The following DIAPH3 variants were observed in gnomAD, a reference collection of about 807,000 sequenced individuals.
DIAPH3 encodes the protein diaphanous related formin 3.
A neutral mutation model predicts 144.3 loss-of-function variants in DIAPH3; 117 were observed. The ratio of observed to expected loss-of-function variants is 0.81; its 90% CI spans 0.70 to 0.95. DIAPH3 has a LOEUF of 0.95. DIAPH3 is among the 40% of genes least tolerant of loss of function. The pLI is 0.00. For synonymous variants in DIAPH3, 519 were observed against 488.9 expected (o/e 1.06, Z -0.81); for missense variants, 1,421 against 1,412.7 (o/e 1.01, Z -0.09).
chr13:59,707,438 C>A (rs924626468), intron 27 of DIAPH3, among the ~76,000 whole-genome samples: 2 of 151,904 alleles, frequency 1.3e-5, no homozygotes. Flanking sequence ...ACAGTTACAA[C>A]GTATCAAGAA....
At chr13:60,058,290 A>T (rs1408710021) in intron 4 of DIAPH3, among the ~76,000 whole-genome samples, 1 of 151,866 alleles carries the variant, frequency 6.6e-6, no homozygotes, top group Non-Finnish European at 1.5e-5. Flanking sequence ...AAAAATGAAA[A>T]ATTGCTCATC....
intron 9 of DIAPH3, among the ~76,000 whole-genome samples, chr13:60,008,146 C>A (rs1265935665): frequency 6.6e-6 from 1 of 152,142 alleles, no homozygotes; most frequent in Non-Finnish European, 1.5e-5. Context: ...GTAATCCCAG[C>A]ACTTTGGGAG....
At chr13:59,905,516 A>C (rs951540786) in intron 20 of DIAPH3, among the ~76,000 whole-genome samples, 1 of 152,140 alleles carries the variant, frequency 6.6e-6, no homozygotes, top group African/African-American at 2.4e-5. Flanking sequence ...TCCTCAGAAC[A>C]ATACAATGTA....
At chr13:59,818,253 T>C (rs1441452721) in intron 24 of DIAPH3, among the ~76,000 whole-genome samples, 2 of 151,964 alleles carry the variant, frequency 1.3e-5, no homozygotes, top group Non-Finnish European at 2.9e-5. Context: ...AAAAATCTTT[T>C]AACATAAGGA....
At chr13:60,040,143 C>T (rs1404377189) in intron 5 of DIAPH3, among the ~76,000 whole-genome samples, 1 of 134,068 alleles carries the variant, frequency 7.5e-6, no homozygotes, top group African/African-American at 2.8e-5. Flanking sequence ...AGGAGAATCG[C>T]TTGAACTCGG....
At chr13:59,685,547 T>G (rs2033171386) in intron 27 of DIAPH3, among the ~76,000 whole-genome samples, 2 of 152,146 alleles carry the variant, frequency 1.3e-5, no homozygotes, top group Non-Finnish European at 2.9e-5. Flanking sequence ...ACAAAAACAC[T>G]GAGCCCAGAA....
chr13:59,993,704 A>AAAAAAAAAC (rs2051990981), intron 9 of DIAPH3, among the ~76,000 whole-genome samples: 1 of 145,364 alleles, frequency 6.9e-6, no homozygotes. Flanking sequence ...AACATACTTA[A>AAAAAAAAAC]AAAAAAAAAA....
chr13:59,963,115 T>A (rs1252752752), intron 17 of DIAPH3, among the ~76,000 whole-genome samples: 1 of 152,216 alleles, frequency 6.6e-6, no homozygotes, highest in Admixed American at 6.5e-5. Flanking sequence ...TCTTTTAAGA[T>A]ACAGAGATGC....
intron 21 of DIAPH3, among the ~76,000 whole-genome samples, chr13:59,864,619 C>T (rs1170122348): frequency 2.0e-5 from 3 of 151,962 alleles, no homozygotes; most frequent in Non-Finnish European, 2.9e-5. Context: ...TGCTCTTGGT[C>T]TTTATTTGTA....
intron 24 of DIAPH3, among the ~76,000 whole-genome samples, chr13:59,814,506 T>C (rs1421954412): frequency 1.3e-5 from 2 of 152,276 alleles, no homozygotes; most frequent in East Asian, 3.9e-4. Flanking sequence ...AACAGTAATT[T>C]GAGATTTTCT....
intron 21 of DIAPH3, among the ~76,000 whole-genome samples, chr13:59,873,548 T>C (rs2044408214): frequency 6.6e-6 from 1 of 152,174 alleles, no homozygotes; most frequent in Non-Finnish European, 1.5e-5. Flanking sequence ...AAACAGGCCT[T>C]CAACTTATTT....
At chr13:60,063,102 C>T (rs1328262716) in intron 4 of DIAPH3, among the ~76,000 whole-genome samples, 1 of 152,212 alleles carries the variant, frequency 6.6e-6, no homozygotes, top group African/African-American at 2.4e-5. Flanking sequence ...TGGAGTCAAT[C>T]ATCACAAATG....
At chr13:59,957,670 C>T (rs1027920928) in intron 17 of DIAPH3, among the ~76,000 whole-genome samples, 5 of 152,064 alleles carry the variant, frequency 3.3e-5, no homozygotes, top group African/African-American at 1.2e-4. Context: ...AAAACACAAA[C>T]AACTGGTCAA....
chr13:59,707,326 A>G (rs1303702169), intron 27 of DIAPH3, among the ~76,000 whole-genome samples: 1 of 152,196 alleles, frequency 6.6e-6, no homozygotes, highest in African/African-American at 2.4e-5. Context: ...TAAATGTAGT[A>G]CGCTGGCACC....
chr13:59,687,506 A>G (rs982226677), intron 27 of DIAPH3, among the ~76,000 whole-genome samples: 3 of 152,080 alleles, frequency 2.0e-5, no homozygotes, highest in Non-Finnish European at 4.4e-5. Context: ...GATCAGTCAT[A>G]TTTTGGAATT....
intron 4 of DIAPH3, among the ~76,000 whole-genome samples, chr13:60,069,179 G>A (rs192745833): frequency 3.3e-5 from 5 of 152,112 alleles, no homozygotes; most frequent in Admixed American, 2.0e-4. Context: ...CAGCCATTCC[G>A]ACTGGTGTGA....
At chr13:59,697,157 T>G (rs978598063) in intron 27 of DIAPH3, among the ~76,000 whole-genome samples, 2 of 150,716 alleles carry the variant, frequency 1.3e-5, no homozygotes, top group Admixed American at 6.6e-5. Flanking sequence ...AGCAGAAAGG[T>G]TTTTAGAAGA....
At chr13:59,964,944 A>T (rs908311882) in intron 17 of DIAPH3, among the ~76,000 whole-genome samples, 2 of 152,162 alleles carry the variant, frequency 1.3e-5, no homozygotes, top group African/African-American at 4.8e-5. Context: ...TTTTGGCATC[A>T]TCTCTTTATT....
chr13:60,126,420 G>A (rs1267884261), intron 2 of DIAPH3, among the ~76,000 whole-genome samples: 3 of 152,062 alleles, frequency 2.0e-5, no homozygotes, highest in East Asian at 3.9e-4. Flanking sequence ...AGATAAAGAA[G>A]TCACAACAAT....
Sources: gnomAD v4.1 joint callset for allele counts (sites outside exome capture counted in the v4.1 genomes callset) on GRCh38, gnomAD v4.1.1 for gene constraint, MANE v1.5 for transcripts, NCBI Gene and HGNC (gene_info 2026-07-23, HGNC 2026-07-21) for gene names.